The following KCNT1 variants were observed in gnomAD, a reference collection of about 807,000 sequenced individuals.
The protein encoded by KCNT1 is potassium channel subfamily T member 1.
A neutral mutation model predicts 147.8 loss-of-function variants in KCNT1; 78 were observed. The observed-to-expected ratio is 0.53, with a 90% confidence interval of 0.44 to 0.64. KCNT1 has a LOEUF of 0.64. Ranked by LOEUF, KCNT1 falls within the 30% of genes least tolerant of loss-of-function variation. The pLI, the probability that KCNT1 is intolerant of heterozygous loss-of-function variation, is 0.00. For missense variants in KCNT1, 1,419 were observed against 1,750.3 expected (o/e 0.81, Z 3.38); for synonymous variants, 867 against 748.8 (o/e 1.16, Z -2.58).
At chr9:135,748,616 T>C (rs1830973333) in intron 2 of KCNT1, among the ~76,000 whole-genome samples, 1 of 152,180 alleles carries the variant, frequency 6.6e-6, no homozygotes, top group Non-Finnish European at 1.5e-5. Context: ...AGGCTGGTGC[T>C]TACCTCCCCC....
chr9:135,707,278 G>A (rs1166969760), intron 1 of KCNT1, among the ~76,000 whole-genome samples: 3 of 152,106 alleles, frequency 2.0e-5, no homozygotes, highest in Non-Finnish European at 2.9e-5. Flanking sequence ...CATAGCTGTG[G>A]GAGAGGGGCG....
chr9:135,784,412 G>C, intron 25 of KCNT1, 123 bp from the exon 26 acceptor site: 1 of 727,358 alleles, frequency 1.4e-6, no homozygotes, highest in East Asian at 2.7e-5. Context: ...GTATGCATGA[G>C]GGGTGGCGAG....
chr9:135,725,444 G>T (rs151108162), intron 2 of KCNT1, among the ~76,000 whole-genome samples: 1 of 152,238 alleles, frequency 6.6e-6, no homozygotes, highest in African/African-American at 2.4e-5. Flanking sequence ...CGGGACAGAC[G>T]CAGAGATCAG....
chr9:135,734,648 C>T (rs946424796), intron 2 of KCNT1, among the ~76,000 whole-genome samples: 2 of 152,212 alleles, frequency 1.3e-5, no homozygotes, highest in Non-Finnish European at 1.5e-5. Context: ...ACCCACTGCA[C>T]TCTCGAAAAG....
rs137983667 is a variant in KCNT1, at chr9:135,719,847, G to C, written c.254+5127G>C. ...GTGGCCGCCTTGCCACAGAAAGCCC[G>C]GCCCCAGTGCAGGCCTCCCGGGGTC... is the stretch of plus-strand genomic sequence containing the variant. On this transcript the variant is annotated intron_variant, in intron 2 of 30. Coordinates refer to ENST00000371757, the MANE Select transcript of KCNT1 (RefSeq NM_020822.3). Among the ~76,000 whole-genome samples, 682 of 152,326 alleles carry C rather than the reference G, an allele frequency of 4.5e-3. 3 individuals carry two copies. Among genetic ancestry groups the C allele is most frequent in the African/African-American group, 0.014 (587 of 41,562 alleles).
intron 24 of KCNT1, among the ~76,000 whole-genome samples, chr9:135,781,309 T>C (rs1422725893): frequency 6.6e-6 from 1 of 152,162 alleles, no homozygotes; most frequent in Admixed American, 6.5e-5. Flanking sequence ...CCCTGGGCCC[T>C]GGGCAGGGCC....
At position 135,759,723 on chromosome 9, in the gene KCNT1, C is replaced by A; in HGVS notation, c.899C>A (p.Ser300Tyr). Residue 300 changes from serine to tyrosine, a missense_variant, in exon 11 of 31, where the codon TCC (serine) becomes TAC (tyrosine). Transcript: ENST00000371757. ...QHLERAGENL[S>Y]LLTSFYFCIV... is the part of the protein sequence containing the mutation. ...CTGGAGCGGGCGGGCGAGAACCTGT[C>A]CCTCCTGACCTCCTTCTACTTCTGC... The A allele has an allele frequency of 2.5e-6, 4 of 1,613,164 alleles. No individual in the cohort carries two copies. Among genetic ancestry groups the A allele is most frequent in the Non-Finnish European group, 3.4e-6 (4 of 1,179,642 alleles).
Position 135,702,301 on chromosome 9 carries a change from CGG to C in KCNT1, c.45_46del (p.Glu16GlyfsTer14). On this transcript the variant is annotated frameshift_variant, in exon 1 of 31. Transcript: ENST00000371757. LOFTEE classifies it high-confidence loss of function. ...DGARTPGGVC[R>X]EARGGGYTNR... ...GGCGCGGACCCCGGGGGGCGTCTGC[CGG>C]GAGGCGCGCGGCGGGGGCTACACCA... is the stretch of plus-strand genomic sequence containing the variant. 1 of 1,609,982 alleles carries C rather than the reference CGG, an allele frequency of 6.2e-7. No individual in the cohort carries two copies. The highest frequency in any genetic ancestry group is 8.5e-7 in the Non-Finnish European group (1 of 1,178,548).
chr9:135,745,786 T>A (rs1334571503), intron 2 of KCNT1, among the ~76,000 whole-genome samples: 1 of 152,208 alleles, frequency 6.6e-6, no homozygotes, highest in Non-Finnish European at 1.5e-5. Flanking sequence ...GCAGGGCCCG[T>A]GTAGCCTCAC....
intron 2 of KCNT1, among the ~76,000 whole-genome samples, chr9:135,738,188 C>T (rs922854349): frequency 1.3e-5 from 2 of 152,352 alleles, no homozygotes; most frequent in South Asian, 2.1e-4. Context: ...GAAGCCCTCC[C>T]GCATGTTCAT....
intron 2 of KCNT1, among the ~76,000 whole-genome samples, chr9:135,737,568 G>A (rs1274529071): frequency 1.3e-5 from 2 of 152,224 alleles, no homozygotes; most frequent in African/African-American, 4.8e-5. Flanking sequence ...AGGCCAGGCC[G>A]GGACAGAAGA....
chr9:135,776,235 C>T (rs778471309), intron 20 of KCNT1, among the ~76,000 whole-genome samples: 6 of 151,994 alleles, frequency 3.9e-5, no homozygotes, highest in Non-Finnish European at 7.4e-5. Flanking sequence ...CAACATCCCT[C>T]AGTGGGTTCT....
Position 135,750,094 on chromosome 9 carries a change from T to A in KCNT1, c.255-4T>A, listed in dbSNP as rs1564343924. On this transcript the variant is annotated splice_polypyrimidine_tract_variant and splice_region_variant and intron_variant, in intron 2 of 30. Transcript: ENST00000371757. ...AGCCTCCATGCCCCTCTCTGCTTCT[T>A]CAGGGTCCAGGTGGAGTTCTACGTC... 1.2e-6 allele frequency: 2 copies of A among 1,613,412 alleles called. No individual in the cohort carries two copies. The highest frequency in any genetic ancestry group is 1.6e-4 in the Middle Eastern group (1 of 6,080).
intron 2 of KCNT1, among the ~76,000 whole-genome samples, chr9:135,733,888 T>A (rs961912968): frequency 8.1e-5 from 12 of 147,870 alleles, no homozygotes; most frequent in Non-Finnish European, 6.0e-5. Flanking sequence ...GCCTGCTCCT[T>A]TTGTCTTCCC....
chr9:135,760,605 C>G (rs971081307), intron 11 of KCNT1, among the ~76,000 whole-genome samples: 11 of 152,194 alleles, frequency 7.2e-5, no homozygotes, highest in Non-Finnish European at 1.3e-4. Flanking sequence ...TCCTAGGGAG[C>G]CTCTGCTGAC....
chr9:135,756,968 T>TGGG, intron 7 of KCNT1, 36 bp downstream of exon 7: 4 of 852,470 alleles, frequency 4.7e-6, no homozygotes, highest in Non-Finnish European at 6.5e-6. Flanking sequence ...TCACAGGGGG[T>TGGG]CCCCACCCTC....
rs760870883 is a variant in KCNT1 at position 135,757,334 on chromosome 9, G to A, written c.712G>A (p.Val238Ile). Residue 238 changes from valine (V) to isoleucine (I), a missense_variant, in exon 9 of 31, where the codon GTC (valine) becomes ATC (isoleucine). Val to Ile is a conservative substitution (Grantham distance 29). Around this residue, in one of 5 missense-constraint regions of KCNT1, gnomAD observed 401 missense variants for 610.6 expected, o/e 0.66. Transcript: ENST00000371757. ...GCCGCTGCGGAACCTGTTCATCCCC[G>A]TCTTTCTGAACTGCTGGCTGGCCAA... is the stretch of plus-strand genomic sequence containing the variant. ...WPPLRNLFIPVFLNCWLAKHA... is the reference protein window; with the variant it reads ...WPPLRNLFIPIFLNCWLAKHA... 9.3e-6 allele frequency: 15 copies of A among 1,611,362 alleles called. No homozygotes were observed. Among genetic ancestry groups the A allele is most frequent in the African/African-American group, 6.7e-5 (5 of 74,824 alleles).
rs1271623707 is a variant in KCNT1 at position 135,786,626 on chromosome 9, C to CCTGTCTGTCATCTGT, written c.3502+116_3502+130dup. 1.1e-5 allele frequency: 12 copies of CCTGTCTGTCATCTGT among 1,078,082 alleles called. No homozygotes were observed. The Admixed American group carries it at 1.3e-4, about 11-fold the overall frequency. The allele number at this position is 1,078,082 out of a possible 1,614,324, so 66.8% of individuals were successfully genotyped here. ...GGCGTCCCGGGGCCCGGGCCGTCCT[C>CCTGTCTGTCATCTGT]CTGTCTGTCATCTGTCTGTCTGTCA... is the stretch of plus-strand genomic sequence containing the variant. On this transcript the variant is annotated intron_variant, in intron 29 of 30. Coordinates refer to ENST00000371757, the MANE Select transcript of KCNT1 (RefSeq NM_020822.3).
At chr9:135,745,419 G>C (rs1830777636) in intron 2 of KCNT1, among the ~76,000 whole-genome samples, 1 of 152,166 alleles carries the variant, frequency 6.6e-6, no homozygotes, top group Admixed American at 6.5e-5. Context: ...GCCCCACCCG[G>C]GGTCCCGCCT....
Sources: gnomAD v4.1 joint callset for allele counts (sites outside exome capture counted in the v4.1 genomes callset) on GRCh38, gnomAD v4.1.1 for gene constraint, gnomAD v4.1.1 regional missense constraint, MANE v1.5 for transcripts, NCBI Gene and HGNC (gene_info 2026-07-23, HGNC 2026-07-21) for gene names.